Variants in SCHIP1 observed in about 807,000 individuals in gnomAD.
SCHIP1 encodes schwannomin interacting protein 1.
SCHIP1 carries 8 observed loss-of-function variants against 29.7 expected under a neutral mutation model. The observed-to-expected ratio is 0.27, with a 90% CI of 0.16 to 0.49. SCHIP1 has a LOEUF of 0.49. Among genes scored for constraint, SCHIP1 ranks in the 20% least tolerant of loss-of-function variants. SCHIP1 has a pLI of 0.99. For missense variants in SCHIP1, 193 were observed against 294.6 expected, an observed-to-expected ratio of 0.66 and a Z score of 2.52; for synonymous variants, 76 against 94.9, an observed-to-expected ratio of 0.80 and a Z score of 1.16.
At chr3:159,353,272 C>T in the SCHIP1 span, among the ~76,000 whole-genome samples, 1 of 151,936 alleles carries the variant, frequency 6.6e-6, no homozygotes, top group Admixed American at 6.6e-5. Context: ...TGTAACAAAC[C>T]TGCACGTTGT....
the SCHIP1 span, among the ~76,000 whole-genome samples, chr3:159,792,187 T>G: frequency 6.6e-6 from 1 of 152,206 alleles, no homozygotes; most frequent in African/African-American, 2.4e-5. Context: ...TTGTATTGTA[T>G]TCAGCTCAGT....
chr3:159,627,118 G>C, the SCHIP1 span, among the ~76,000 whole-genome samples: 26,090 of 152,022 alleles, frequency 0.17, 6,387 homozygotes, highest in African/African-American at 0.54. Flanking sequence ...TTATGCATGA[G>C]AACATGCACT....
the SCHIP1 span, among the ~76,000 whole-genome samples, chr3:159,821,129 A>C: frequency 3.7e-4 from 56 of 152,228 alleles, no homozygotes; most frequent in African/African-American, 1.3e-3. Context: ...CCAGAGGAGA[A>C]CGTTGTCTTA....
chr3:159,287,680 A>T, the SCHIP1 span, among the ~76,000 whole-genome samples: 7 of 152,278 alleles, frequency 4.6e-5, no homozygotes, highest in East Asian at 1.4e-3. Flanking sequence ...TAATTATAGC[A>T]ATCCTATAAA....
At chr3:159,391,483 G>A in the SCHIP1 span, among the ~76,000 whole-genome samples, 2,639 of 152,130 alleles carry the variant, frequency 0.017, 93 homozygotes, top group African/African-American at 0.061. Flanking sequence ...ATATCTAGGC[G>A]CAGTGGGGCA....
chr3:159,627,213 T>G, the SCHIP1 span, among the ~76,000 whole-genome samples: 1 of 152,210 alleles, frequency 6.6e-6, no homozygotes, highest in Non-Finnish European at 1.5e-5. Context: ...GTGGCATTTT[T>G]GTAATTATTA....
chr3:159,651,116 G>A, the SCHIP1 span, among the ~76,000 whole-genome samples: 1 of 152,118 alleles, frequency 6.6e-6, no homozygotes, highest in Admixed American at 6.6e-5. Flanking sequence ...CATTACATAA[G>A]TGTTATTTGC....
chr3:159,517,827 T>C, the SCHIP1 span, among the ~76,000 whole-genome samples: 1 of 152,096 alleles, frequency 6.6e-6, no homozygotes, highest in East Asian at 1.9e-4. Flanking sequence ...CTAATATTTT[T>C]AAAAGACAGA....
At chr3:159,802,347 G>A in the SCHIP1 span, among the ~76,000 whole-genome samples, 22 of 152,204 alleles carry the variant, frequency 1.4e-4, no homozygotes. Flanking sequence ...GGAGTGCATT[G>A]TATCTAATTG....
the SCHIP1 span, chr3:159,764,885 C>A: frequency 1.3e-6 from 2 of 1,563,742 alleles, no homozygotes; most frequent in African/African-American, 1.4e-5. This position sits in a 1 kb window ranked among gnomAD's most constrained non-coding sequence, Gnocchi z 6.1. Context: ...GTGGTGGTGG[C>A]TGGCCGGCCG....
At chr3:159,843,001 CTTTTTTTTTTTTT>C (rs566940351) in intron 1 of SCHIP1, among the ~76,000 whole-genome samples, 17,583 of 64,238 alleles carry the variant, frequency 0.27, 1,948 homozygotes, top group East Asian at 0.37. Flanking sequence ...ATATTTCTTT[CTTTTTTTTTTTTT>C]TTTTTTTTTT....
the SCHIP1 span, among the ~76,000 whole-genome samples, chr3:159,667,484 C>T: frequency 3.3e-5 from 5 of 152,166 alleles, no homozygotes; most frequent in East Asian, 1.9e-4. Context: ...TCAGGGCATC[C>T]AATGATCTGG....
the SCHIP1 span, among the ~76,000 whole-genome samples, chr3:159,334,493 G>T: frequency 6.6e-6 from 1 of 152,086 alleles, no homozygotes; most frequent in African/African-American, 2.4e-5. Context: ...TTTGACACAT[G>T]CATAGATTCA....
chr3:159,543,853 A>G, the SCHIP1 span, among the ~76,000 whole-genome samples: 1 of 152,074 alleles, frequency 6.6e-6, no homozygotes, highest in Non-Finnish European at 1.5e-5. Flanking sequence ...AAGTGTTCCT[A>G]TTTCTCCACA....
chr3:159,582,779 T>TACAC, the SCHIP1 span, among the ~76,000 whole-genome samples: 422 of 98,408 alleles, frequency 4.3e-3, 1 homozygote, highest in African/African-American at 0.013. Context: ...GCAACTGAAA[T>TACAC]ATATATATAC....
At chr3:159,891,035 G>A (rs1717471856) in intron 5 of SCHIP1, among the ~76,000 whole-genome samples, 1 of 152,074 alleles carries the variant, frequency 6.6e-6, no homozygotes, top group South Asian at 2.1e-4. Context: ...TTTTTCAGTG[G>A]CAGGAGCCCA....
At chr3:159,739,697 GT>G in the SCHIP1 span, among the ~76,000 whole-genome samples, 4 of 152,116 alleles carry the variant, frequency 2.6e-5, no homozygotes, top group South Asian at 8.3e-4. Flanking sequence ...TGCATTTCAA[GT>G]TGTTCATTGC....
At chr3:159,554,028 G>GTGTGTGTGTGTGTGTA in the SCHIP1 span, among the ~76,000 whole-genome samples, 35 of 73,440 alleles carry the variant, frequency 4.8e-4, no homozygotes, top group African/African-American at 3.6e-3. Flanking sequence ...GTTTGTGTAT[G>GTGTGTGTGTGTGTGTA]TGTGTGTGTG....
chr3:159,578,270 G>C, the SCHIP1 span, among the ~76,000 whole-genome samples: 1 of 152,308 alleles, frequency 6.6e-6, no homozygotes, highest in East Asian at 1.9e-4. Flanking sequence ...GGCTAATCCA[G>C]ATTGCGAGGC....
Sources: allele counts gnomAD v4.1 joint callset (sites outside exome capture counted in the v4.1 genomes callset), GRCh38; gene constraint gnomAD v4.1.1; non-coding constraint Gnocchi (gnomAD v3.1); transcripts MANE v1.5; gene names NCBI Gene and HGNC (gene_info 2026-07-23, HGNC 2026-07-21).